The following HMHB1 variants were observed in gnomAD, a reference collection of about 807,000 sequenced individuals.
HMHB1 encodes histocompatibility minor HB-1.
A neutral mutation model predicts 2.4 loss-of-function variants in HMHB1; 4 were observed. The observed-to-expected ratio is 1.65, with a 90% CI of 0.81 to 3.77. HMHB1 has a LOEUF of 3.77. Ranked by LOEUF, HMHB1 falls within the 30% of genes most tolerant of loss-of-function variation. The probability of loss-of-function intolerance (pLI) is 0.01; values close to 1 mark genes in which losing one functional copy is unlikely to be tolerated. For missense variants in HMHB1, 57 were observed against 44.2 expected, an observed-to-expected ratio of 1.29 and a Z score of -0.82; for synonymous variants, 22 against 17.6, an observed-to-expected ratio of 1.25 and a Z score of -0.63.
At chr5:143,818,553 C>A (rs1008712204) in intron 1 of HMHB1, among the ~76,000 whole-genome samples, 1 of 152,180 alleles carries the variant, frequency 6.6e-6, no homozygotes, top group African/African-American at 2.4e-5. Context: ...CACAGTCAGA[C>A]CAGAGCCCAA....
intron 1 of HMHB1, among the ~76,000 whole-genome samples, chr5:143,815,129 A>G (rs906919142): frequency 6.6e-6 from 1 of 152,232 alleles, no homozygotes; most frequent in Non-Finnish European, 1.5e-5. Context: ...CCTTTCTAAC[A>G]AAGTTCAGAG....
intron 1 of HMHB1, among the ~76,000 whole-genome samples, chr5:143,817,958 C>A (rs898203685): frequency 3.9e-5 from 6 of 152,146 alleles, no homozygotes; most frequent in Non-Finnish European, 7.4e-5. Context: ...ATATTATATT[C>A]ATGGATTAGA....
chr5:143,818,490 G>C (rs1253941477), intron 1 of HMHB1, among the ~76,000 whole-genome samples: 2 of 152,246 alleles, frequency 1.3e-5, no homozygotes, highest in Non-Finnish European at 2.9e-5. Context: ...GGCCTAAATA[G>C]AGTGAAGTGC....
intron 1 of HMHB1, among the ~76,000 whole-genome samples, chr5:143,812,687 G>A (rs919583310): frequency 6.6e-6 from 1 of 152,152 alleles, no homozygotes; most frequent in Non-Finnish European, 1.5e-5. Flanking sequence ...CGCGTGGGAT[G>A]CTCAGGCTTC....
chr5:143,815,800 G>C (rs997840176), intron 1 of HMHB1, among the ~76,000 whole-genome samples: 1 of 150,064 alleles, frequency 6.7e-6, no homozygotes, highest in African/African-American at 2.5e-5. Flanking sequence ...TCCGCTTCCC[G>C]GGTTCACGCC....
In HMHB1 at chr5:143,817,425, G is replaced by T. The variant is rs115826552; in HGVS notation, c.38-3055G>T. On this transcript the variant is annotated intron_variant, in intron 1 of 1. Coordinates refer to ENST00000289448, the MANE Select transcript of HMHB1 (RefSeq NM_021182.3). ...ATCCAGTTTCATTCTCCTACACGTG[G>T]CTAGCCAATTATCCCACCACCATTT... Among the ~76,000 whole-genome samples, 1,022 of 152,194 alleles carry T rather than the reference G, an allele frequency of 6.7e-3. 13 individuals are homozygous for T. The highest frequency in any genetic ancestry group is 0.023 in the African/African-American group (968 of 41,518).
At chr5:143,815,862 G>A (rs1330078092) in intron 1 of HMHB1, among the ~76,000 whole-genome samples, 2 of 150,602 alleles carry the variant, frequency 1.3e-5, no homozygotes, top group East Asian at 2.0e-4. Flanking sequence ...GCCCGCTACC[G>A]CACCCGGCTA....
At chr5:143,819,432 T>C (rs34175280) in intron 1 of HMHB1, among the ~76,000 whole-genome samples, 27,640 of 152,086 alleles carry the variant, frequency 0.18, 2,799 homozygotes, top group South Asian at 0.27. Context: ...TAATACAGTT[T>C]AAAAAGGGTC....
At position 143,815,274 on chromosome 5, in the gene HMHB1, C is replaced by A. The variant is rs577141206; in HGVS notation, c.37+2970C>A. Among the ~76,000 whole-genome samples, 51 of 152,212 alleles carry A rather than the reference C, an allele frequency of 3.4e-4. 1 individual carries two copies. The South Asian group carries it at 0.011, about 32-fold the overall frequency. Reference sequence around the variant, plus strand: ...TAAGAGGACAGAAATCCAATCAGGGCCTTATTTGGCTATAGTCAAGGTGTC... The same window carrying A: ...TAAGAGGACAGAAATCCAATCAGGGACTTATTTGGCTATAGTCAAGGTGTC... On this transcript the variant is annotated intron_variant, in intron 1 of 1. Transcript: ENST00000289448.
intron 1 of HMHB1, 45 bp from the exon 2 acceptor site, chr5:143,820,435 A>C (rs1163666825): frequency 9.1e-7 from 1 of 1,103,952 alleles, no homozygotes; most frequent in Admixed American, 1.7e-5. Flanking sequence ...AATACTGCTG[A>C]GAAGTTGTAA....
At chr5:143,818,624 A>G (rs531786508) in intron 1 of HMHB1, among the ~76,000 whole-genome samples, 3 of 152,354 alleles carry the variant, frequency 2.0e-5, no homozygotes, top group South Asian at 2.1e-4. Flanking sequence ...TATGCAGCCT[A>G]TAGTTAAACC....
chr5:143,812,960 T>TGTTG (rs943877898), intron 1 of HMHB1, among the ~76,000 whole-genome samples: 8 of 151,652 alleles, frequency 5.3e-5, no homozygotes, highest in African/African-American at 1.9e-4. Context: ...GTTTTTTGTT[T>TGTTG]GTTTGTTTGT....
rs372666869 is a variant in HMHB1 at position 143,812,453 on chromosome 5, G to C, written c.37+149G>C. On this transcript the variant is annotated intron_variant, in intron 1 of 1. Coordinates refer to ENST00000289448, the MANE Select transcript of HMHB1 (RefSeq NM_021182.3). Reference sequence around the variant, plus strand: ...GGAAGGCAGGGGAGAGGAGTGAGACGGCCCTTGTTGCTGGGATTATTTAGG... The same window carrying C: ...GGAAGGCAGGGGAGAGGAGTGAGACCGCCCTTGTTGCTGGGATTATTTAGG... 1.9e-4 allele frequency: 141 copies of C among 735,338 alleles called. No homozygotes were observed. In the African/African-American group the frequency reaches 2.3e-3, roughly 12 times the overall value. 45.6% of individuals were successfully genotyped at this position (735,338 alleles called of 1,614,324 possible). A position where few individuals can be genotyped will look rare whatever the true frequency, so the allele number is the denominator to read the frequency against.
At chr5:143,815,679 C>T (rs1241502308) in intron 1 of HMHB1, among the ~76,000 whole-genome samples, 2 of 151,078 alleles carry the variant, frequency 1.3e-5, no homozygotes, top group African/African-American at 4.9e-5. Context: ...AGGTGAGCGC[C>T]ACCATGCCTG....
At chr5:143,812,598 C>T (rs996830754) in intron 1 of HMHB1, among the ~76,000 whole-genome samples, 2 of 152,286 alleles carry the variant, frequency 1.3e-5, no homozygotes, top group African/African-American at 2.4e-5. Flanking sequence ...ACAAGGACAA[C>T]GGCAAGGGAA....
intron 1 of HMHB1, among the ~76,000 whole-genome samples, chr5:143,818,971 T>A (rs1245833048): frequency 6.6e-6 from 1 of 152,208 alleles, no homozygotes; most frequent in African/African-American, 2.4e-5. Flanking sequence ...AGCCAGGCTT[T>A]AGGAAATCAC....
intron 1 of HMHB1, 109 bp from the exon 2 acceptor site, chr5:143,820,371 A>AAAAAAAAAAAAAAAAG: frequency 2.1e-6 from 1 of 475,474 alleles, no homozygotes; most frequent in Non-Finnish European, 3.9e-6. Context: ...CAAAACTAAA[A>AAAAAAAAAAAAAAAAG]AGCTAACACA....
intron 1 of HMHB1, among the ~76,000 whole-genome samples, chr5:143,813,892 C>T (rs1338093523): frequency 6.6e-6 from 1 of 152,100 alleles, no homozygotes; most frequent in South Asian, 2.1e-4. Context: ...ACAGATATAA[C>T]TCAGTGCAGA....
At chr5:143,812,867 C>A (rs1759707785) in intron 1 of HMHB1, among the ~76,000 whole-genome samples, 1 of 152,186 alleles carries the variant, frequency 6.6e-6, no homozygotes, top group Non-Finnish European at 1.5e-5. Flanking sequence ...CCCCAGTTTA[C>A]AGATAAAGAC....
Sources: gnomAD v4.1 joint callset for allele counts (sites outside exome capture counted in the v4.1 genomes callset) on GRCh38, gnomAD v4.1.1 for gene constraint, MANE v1.5 for transcripts, NCBI Gene and HGNC (gene_info 2026-07-23, HGNC 2026-07-21) for gene names.